The following VPS37A variants were observed in gnomAD, a reference collection of about 807,000 sequenced individuals.
VPS37A encodes the protein vacuolar protein sorting-associated protein 37A.
VPS37A carries 30 observed loss-of-function variants against 49.8 expected under a neutral mutation model. The observed-to-expected ratio is 0.60, with a 90% CI of 0.45 to 0.82. The LOEUF is 0.82. Ranked by LOEUF, VPS37A falls within the 40% of genes least tolerant of loss-of-function variation. The pLI is 0.00. For synonymous variants in VPS37A, 195 were observed against 160.6 expected, an observed-to-expected ratio of 1.21 and a Z score of -1.62; for missense variants, 593 against 464.4, an observed-to-expected ratio of 1.28 and a Z score of -2.55.
At chr8:17,322,967 T>TTTTTTTTTTTA in the VPS37A span, among the ~76,000 whole-genome samples, 1 of 150,500 alleles carries the variant, frequency 6.6e-6, no homozygotes. Context: ...TTTTTTTTTT[T>TTTTTTTTTTTA]GAGACAGTCT....
At chr8:17,262,807 A>C (rs1333130915) in intron 1 of VPS37A, among the ~76,000 whole-genome samples, 2 of 152,186 alleles carry the variant, frequency 1.3e-5, no homozygotes, top group African/African-American at 4.8e-5. Context: ...TCACGCCTGT[A>C]ATCCTAGCAC....
chr8:17,304,591 GCTGGAAAGGAACTAATAATTGTTAC>G, downstream of VPS37A: 1 of 1,487,242 alleles, frequency 6.7e-7, no homozygotes, highest in South Asian at 1.2e-5. Flanking sequence ...TTATATTAAT[GCTGGAAAGGAACTAATAATTGTTAC>G]CTGAAAACCA....
intron 1 of VPS37A, among the ~76,000 whole-genome samples, chr8:17,250,703 C>G (rs930992816): frequency 6.6e-6 from 1 of 152,118 alleles, no homozygotes; most frequent in East Asian, 1.9e-4. Context: ...TTGTCCCTTT[C>G]TCTAATGATT....
chr8:17,266,392 A>C (rs1198398421), intron 2 of VPS37A, among the ~76,000 whole-genome samples: 1 of 152,254 alleles, frequency 6.6e-6, no homozygotes, highest in Admixed American at 6.5e-5. Flanking sequence ...ATCAACCAGA[A>C]AGTTCAAGAT....
At chr8:17,274,586 C>T in intron 4 of VPS37A, 147 bp from the exon 5 acceptor site, 1 of 530,336 alleles carries the variant, frequency 1.9e-6, no homozygotes, top group South Asian at 3.7e-5. Context: ...ATATTTAATT[C>T]CATTATATAA....
At chr8:17,275,477 G>T (rs1203355863) in intron 5 of VPS37A, among the ~76,000 whole-genome samples, 2 of 152,146 alleles carry the variant, frequency 1.3e-5, no homozygotes, top group African/African-American at 4.8e-5. Context: ...TGGCATTTTT[G>T]TGAAGCTGCC....
chr8:17,322,776 A>G, the VPS37A span, among the ~76,000 whole-genome samples: 1 of 152,074 alleles, frequency 6.6e-6, no homozygotes, highest in Non-Finnish European at 1.5e-5. Context: ...TGTGAGCTAC[A>G]GTTGCATCAC....
At chr8:17,278,373 C>T (rs1814722980) in intron 6 of VPS37A, among the ~76,000 whole-genome samples, 1 of 152,012 alleles carries the variant, frequency 6.6e-6, no homozygotes, top group Non-Finnish European at 1.5e-5. Context: ...CTATGAAGAA[C>T]TTGACTTAAT....
chr8:17,268,014 T>C (rs1408108817), intron 2 of VPS37A, among the ~76,000 whole-genome samples: 1 of 152,204 alleles, frequency 6.6e-6, no homozygotes, highest in African/African-American at 2.4e-5. Context: ...GTGAAGAATA[T>C]TCTATAATTC....
chr8:17,305,576 A>C (rs927983877), downstream of VPS37A, among the ~76,000 whole-genome samples: 2 of 152,236 alleles, frequency 1.3e-5, no homozygotes, highest in African/African-American at 4.8e-5. Context: ...TTTATCTGTC[A>C]GTTGATGACA....
At chr8:17,304,585 A>T, downstream of VPS37A, 1 of 1,514,508 alleles carries the variant, frequency 6.6e-7, no homozygotes, top group East Asian at 2.3e-5. Context: ...GATATGTTAT[A>T]TTAATGCTGG....
In VPS37A at chr8:17,297,327, T is replaced by C. The variant is rs1816742002; in HGVS notation, c.*2341T>C. 2.0e-5 allele frequency: 3 copies of C among 151,878 alleles called. No homozygotes were observed. Among genetic ancestry groups the C allele is most frequent in the African/African-American group, 4.8e-5 (2 of 41,502 alleles). The allele number at this position is 151,878 out of a possible 1,614,324, so 9.4% of individuals were successfully genotyped here. On this transcript the variant is annotated 3_prime_UTR_variant, in exon 12 of 12. Transcript: ENST00000324849. ...AGACCCACTTCAAAGTTGAAAGAAA[T>C]TTCTAGGCATAAATTGAGACTAGGA...
chr8:17,305,929 C>A (rs1238407176), downstream of VPS37A: 5 of 1,613,328 alleles, frequency 3.1e-6, no homozygotes, highest in African/African-American at 1.3e-5. Context: ...GGAGAGATTT[C>A]TTTTGGGTCA....
the VPS37A span, among the ~76,000 whole-genome samples, chr8:17,310,539 CTT>C: frequency 6.6e-6 from 1 of 152,132 alleles, no homozygotes; most frequent in Admixed American, 6.6e-5. Context: ...CTGGCAACCT[CTT>C]TACTCTCCAA....
intron 1 of VPS37A, chr8:17,248,358 G>A (rs779758388): frequency 4.4e-6 from 2 of 453,070 alleles, no homozygotes; most frequent in East Asian, 1.4e-4. Context: ...TCCGTCTCCC[G>A]GATTCAAGCA....
At chr8:17,275,005 T>A in intron 5 of VPS37A, 47 bp downstream of exon 5, 1 of 1,536,694 alleles carries the variant, frequency 6.5e-7, no homozygotes, top group Non-Finnish European at 9.0e-7. Flanking sequence ...AAACATTCAT[T>A]CAATCCACAC....
At chr8:17,263,188 T>C (rs1813122111) in intron 1 of VPS37A, among the ~76,000 whole-genome samples, 1 of 152,198 alleles carries the variant, frequency 6.6e-6, no homozygotes. Flanking sequence ...TAAATGAGGC[T>C]ATGAATGTGC....
intron 11 of VPS37A, among the ~76,000 whole-genome samples, chr8:17,292,480 G>C (rs1169060584): frequency 6.6e-6 from 1 of 152,154 alleles, no homozygotes; most frequent in African/African-American, 2.4e-5. Flanking sequence ...ATATTGTTAT[G>C]TGTGAATTTG....
the VPS37A span, among the ~76,000 whole-genome samples, chr8:17,320,624 A>T: frequency 1.3e-5 from 2 of 152,180 alleles, no homozygotes; most frequent in Non-Finnish European, 2.9e-5. Flanking sequence ...CATGGACCCA[A>T]TTGGAAGACA....
Sources: gnomAD v4.1 joint callset for allele counts (sites outside exome capture counted in the v4.1 genomes callset) on GRCh38, gnomAD v4.1.1 for gene constraint, MANE v1.5 for transcripts, NCBI Gene and HGNC (gene_info 2026-07-23, HGNC 2026-07-21) for gene names.